STARD13: variants seen among roughly 807,000 people sequenced by gnomAD.
The protein encoded by STARD13 is stAR-related lipid transfer protein 13.
In STARD13, 62 loss-of-function variants were observed where a neutral mutation model predicts 106.4. The ratio of observed to expected loss-of-function variants is 0.58; its 90% CI spans 0.48 to 0.72. STARD13 has a LOEUF of 0.72. STARD13 is among the 30% of genes least tolerant of loss of function. STARD13 has a pLI of 0.00. For missense variants in STARD13, 1,387 were observed against 1,424.0 expected, an observed-to-expected ratio of 0.97 and a Z score of 0.42; for synonymous variants, 565 against 553.0, an observed-to-expected ratio of 1.02 and a Z score of -0.31.
chr13:33,348,749 T>G, exon 2 of STARD13: 2 of 228,042 alleles, frequency 8.8e-6, no homozygotes, highest in African/African-American at 2.2e-5. Context: ...CATGTACAGG[T>G]TTTTAAACAT....
the STARD13 span, among the ~76,000 whole-genome samples, chr13:33,446,239 C>G: frequency 1.3e-5 from 2 of 152,152 alleles, no homozygotes; most frequent in Middle Eastern, 3.4e-3. Flanking sequence ...CATGGCCTTG[C>G]AGGAAAGTTC....
chr13:33,307,873 T>C (rs1188608593), intron 1 of STARD13, among the ~76,000 whole-genome samples: 2 of 152,200 alleles, frequency 1.3e-5, no homozygotes, highest in Non-Finnish European at 2.9e-5. Flanking sequence ...CAGACTACCA[T>C]GTGTTGTTCA....
the STARD13 span, among the ~76,000 whole-genome samples, chr13:33,522,525 C>T: frequency 1.3e-5 from 2 of 152,136 alleles, no homozygotes; most frequent in Non-Finnish European, 2.9e-5. Flanking sequence ...CAAAAATCTT[C>T]CATGTTCTGC....
chr13:33,176,774 C>T (rs1364840699), intron 1 of STARD13, among the ~76,000 whole-genome samples: 1 of 152,092 alleles, frequency 6.6e-6, no homozygotes, highest in African/African-American at 2.4e-5. Context: ...ACAATCTAAA[C>T]ACACGGCATA....
chr13:33,421,411 C>T, the STARD13 span, among the ~76,000 whole-genome samples: 1 of 152,184 alleles, frequency 6.6e-6, no homozygotes, highest in Non-Finnish European at 1.5e-5. Flanking sequence ...AGTGGAATAT[C>T]TGAGTAGACC....
intron 1 of STARD13, among the ~76,000 whole-genome samples, chr13:33,265,663 A>G (rs944803080): frequency 3.9e-5 from 6 of 152,122 alleles, no homozygotes; most frequent in African/African-American, 1.2e-4. Flanking sequence ...AATTCATTTA[A>G]TGTTCGTAGT....
the STARD13 span, among the ~76,000 whole-genome samples, chr13:33,542,908 C>T: frequency 6.6e-6 from 1 of 152,186 alleles, no homozygotes; most frequent in Non-Finnish European, 1.5e-5. Flanking sequence ...AACCGTGGCC[C>T]CTGCTTTCCT....
intron 1 of STARD13, among the ~76,000 whole-genome samples, chr13:33,304,697 A>T (rs1892841612): frequency 6.6e-6 from 1 of 152,172 alleles, no homozygotes; most frequent in Non-Finnish European, 1.5e-5. Context: ...TTTTATTTAC[A>T]AGTATATTGT....
At chr13:33,155,611 C>T (rs1177037069) in intron 3 of STARD13, 3 of 152,126 alleles carry the variant, frequency 2.0e-5, no homozygotes, top group Admixed American at 6.5e-5. Flanking sequence ...ATCCTGAGTA[C>T]CTGGTTGAAA....
the STARD13 span, among the ~76,000 whole-genome samples, chr13:33,499,955 T>C: frequency 6.6e-6 from 1 of 151,840 alleles, no homozygotes; most frequent in African/African-American, 2.4e-5. Context: ...TTGTTCGCTG[T>C]GCTGCCTAGG....
chr13:33,167,539 G>A lies in STARD13; in HGVS notation c.241+12C>T, dbSNP rs766692271. The A allele has an allele frequency of 6.2e-7, 1 of 1,613,778 alleles. No individual in the cohort carries two copies. Among genetic ancestry groups the A allele is most frequent in the African/African-American group, 1.3e-5 (1 of 74,926 alleles). On this transcript the variant is annotated intron_variant, in intron 2 of 13. Transcript: ENST00000336934. Reference sequence around the variant, plus strand: ...ATTCTCTGTGTAAGAGCGAAGCGAAGGGCTGACGTACCCTCATATAACTGA... The same window carrying A: ...ATTCTCTGTGTAAGAGCGAAGCGAAAGGCTGACGTACCCTCATATAACTGA...
At chr13:33,220,178 G>T (rs1888276828) in intron 1 of STARD13, among the ~76,000 whole-genome samples, 1 of 152,184 alleles carries the variant, frequency 6.6e-6, no homozygotes, top group Non-Finnish European at 1.5e-5. Context: ...TCATACAAAT[G>T]GAGAACACAT....
chr13:33,234,934 T>C (rs1450229200), intron 1 of STARD13, among the ~76,000 whole-genome samples: 1 of 152,276 alleles, frequency 6.6e-6, no homozygotes, highest in African/African-American at 2.4e-5. Context: ...TGAATTTGTA[T>C]GTTTTTATCT....
chr13:33,572,594 G>A, the STARD13 span, among the ~76,000 whole-genome samples: 2 of 152,076 alleles, frequency 1.3e-5, no homozygotes, highest in African/African-American at 4.8e-5. Flanking sequence ...TTTTCAAATG[G>A]CATTGGAATA....
the STARD13 span, among the ~76,000 whole-genome samples, chr13:33,611,996 G>A: frequency 1.3e-5 from 2 of 152,216 alleles, no homozygotes; most frequent in Admixed American, 1.3e-4. Context: ...GAACACAAAA[G>A]GAATAAAGAA....
At chr13:33,157,872 C>T (rs1018530481) in intron 3 of STARD13, among the ~76,000 whole-genome samples, 1 of 152,194 alleles carries the variant, frequency 6.6e-6, no homozygotes, top group Non-Finnish European at 1.5e-5. Context: ...CCTTGGCTAT[C>T]CCTACATTCT....
chr13:33,489,518 GTTAC>G, the STARD13 span, among the ~76,000 whole-genome samples: 1 of 152,270 alleles, frequency 6.6e-6, no homozygotes, highest in African/African-American at 2.4e-5. Context: ...GAAATTAAAT[GTTAC>G]TTTTATGTGG....
At chr13:33,296,592 A>T (rs1331707823) in intron 1 of STARD13, among the ~76,000 whole-genome samples, 1 of 152,012 alleles carries the variant, frequency 6.6e-6, no homozygotes, top group East Asian at 1.9e-4. Flanking sequence ...AGCCCCTGGC[A>T]ACCACCATTC....
chr13:33,221,466 C>T (rs1482664798), intron 1 of STARD13, among the ~76,000 whole-genome samples: 1 of 152,234 alleles, frequency 6.6e-6, no homozygotes. Flanking sequence ...GAACTGCAAA[C>T]TGACAGTAGC....
Sources: gnomAD v4.1 joint callset for allele counts (sites outside exome capture counted in the v4.1 genomes callset) on GRCh38, gnomAD v4.1.1 for gene constraint, MANE v1.5 for transcripts, NCBI Gene and HGNC (gene_info 2026-07-23, HGNC 2026-07-21) for gene names.